The following TTBK2 variants were observed in gnomAD, a reference collection of about 807,000 sequenced individuals.
The protein encoded by TTBK2 is tau-tubulin kinase 2.
Under a neutral mutation model 110.8 loss-of-function variants are expected in TTBK2, and 28 were observed. That is an observed-to-expected ratio of 0.25 (90% CI 0.19 to 0.35). The LOEUF (loss-of-function observed/expected upper bound fraction) is 0.35, where lower values mean the gene tolerates loss of function less well. Ranked by LOEUF, TTBK2 falls within the 10% of genes least tolerant of loss-of-function variation. The probability of loss-of-function intolerance (pLI) is 1.00; values close to 1 mark genes in which losing one functional copy is unlikely to be tolerated. For missense variants in TTBK2, 1,369 were observed against 1,500.3 expected, an observed-to-expected ratio of 0.91 and a Z score of 1.45; for synonymous variants, 532 against 527.3, an observed-to-expected ratio of 1.01 and a Z score of -0.12.
intron 13 of TTBK2, among the ~76,000 whole-genome samples, chr15:42,763,755 G>A (rs372888347): frequency 6.6e-6 from 1 of 152,190 alleles, no homozygotes; most frequent in African/African-American, 2.4e-5. Context: ...TGAGGTGAGG[G>A]TGGATGGGGA....
chr15:42,790,344 G>A (rs1890604832), intron 10 of TTBK2, among the ~76,000 whole-genome samples: 1 of 151,204 alleles, frequency 6.6e-6, no homozygotes, highest in African/African-American at 2.4e-5. Context: ...GAGTATAGTG[G>A]CGCGATCTCA....
intron 3 of TTBK2, among the ~76,000 whole-genome samples, chr15:42,844,677 T>C (rs980333114): frequency 1.8e-4 from 28 of 152,214 alleles, no homozygotes; most frequent in African/African-American, 6.8e-4. Flanking sequence ...ATTATTATAT[T>C]CTCCATTTTT....
At chr15:42,779,048 A>G (rs1015487742) in intron 11 of TTBK2, among the ~76,000 whole-genome samples, 10 of 152,226 alleles carry the variant, frequency 6.6e-5, no homozygotes, top group Admixed American at 3.9e-4. Context: ...GAAAAAAACA[A>G]TTAGAATGAC....
chr15:42,843,651 C>G (rs1893324374), intron 3 of TTBK2, among the ~76,000 whole-genome samples: 1 of 147,586 alleles, frequency 6.8e-6, no homozygotes, highest in African/African-American at 2.5e-5. Flanking sequence ...CCCAGCTACT[C>G]AAGAGGCCGA....
intron 6 of TTBK2, 107 bp downstream of exon 6, chr15:42,827,821 C>A: frequency 3.3e-6 from 3 of 898,584 alleles, no homozygotes; most frequent in Non-Finnish European, 5.2e-6. Context: ...TATGCCACTT[C>A]TTAGATAACA....
At chr15:42,749,466 G>A (rs572485241) in intron 14 of TTBK2, among the ~76,000 whole-genome samples, 2 of 152,262 alleles carry the variant, frequency 1.3e-5, no homozygotes, top group Admixed American at 6.5e-5. Flanking sequence ...CCCCATTCCC[G>A]GCCCCATGGC....
chr15:42,853,584 A>G (rs748134750), intron 3 of TTBK2, among the ~76,000 whole-genome samples: 38 of 152,352 alleles, frequency 2.5e-4, no homozygotes, highest in East Asian at 1.9e-4. Context: ...TGAAAAATGA[A>G]AAAGTACAAG....
intron 3 of TTBK2, among the ~76,000 whole-genome samples, chr15:42,868,047 T>A (rs1894451623): frequency 1.3e-5 from 2 of 152,190 alleles, no homozygotes; most frequent in Non-Finnish European, 2.9e-5. Flanking sequence ...AGTGTATGAT[T>A]CTAAATATAT....
At chr15:42,805,301 T>C (rs1214616874) in intron 9 of TTBK2, among the ~76,000 whole-genome samples, 1 of 152,180 alleles carries the variant, frequency 6.6e-6, no homozygotes, top group Non-Finnish European at 1.5e-5. Flanking sequence ...AAGGAGCTTA[T>C]ATAATAAAGA....
At chr15:42,884,730 C>G (rs570421047) in intron 1 of TTBK2, among the ~76,000 whole-genome samples, 6 of 152,130 alleles carry the variant, frequency 3.9e-5, no homozygotes, top group Non-Finnish European at 7.4e-5. Flanking sequence ...ATTAAAAACA[C>G]AAAAGCACAA....
At chr15:42,818,437 C>T (rs1254927138) in intron 6 of TTBK2, among the ~76,000 whole-genome samples, 2 of 152,056 alleles carry the variant, frequency 1.3e-5, no homozygotes, top group African/African-American at 4.8e-5. Context: ...TGTCTCCATT[C>T]GGCCAGGCGT....
chr15:42,738,860 A>C lies in TTBK2; in HGVS notation c.*6935T>G, dbSNP rs892005237. 1 of 152,220 alleles carries C rather than the reference A, an allele frequency of 6.6e-6. No individual in the cohort carries two copies. The highest frequency in any genetic ancestry group is 6.5e-5 in the Admixed American group (1 of 15,280). The allele number at this position is 152,220 out of a possible 1,614,324, so 9.4% of individuals were successfully genotyped here. ...CTAGATGTGGTACTGCATTTACAGTAACACTATCTGCTCCCCGTTGATCTT... is the reference window on the plus strand; with the variant it reads ...CTAGATGTGGTACTGCATTTACAGTCACACTATCTGCTCCCCGTTGATCTT... On this transcript the variant is annotated 3_prime_UTR_variant, in exon 15 of 15. Coordinates refer to ENST00000267890, the MANE Select transcript of TTBK2 (RefSeq NM_173500.4).
At chr15:42,909,422 A>C (rs1443857195) in intron 1 of TTBK2, among the ~76,000 whole-genome samples, 2 of 152,176 alleles carry the variant, frequency 1.3e-5, no homozygotes, top group Non-Finnish European at 2.9e-5. Flanking sequence ...CTCTCTGACA[A>C]AGTATATGCC....
chr15:42,782,369 G>A (rs1567020550), intron 11 of TTBK2, among the ~76,000 whole-genome samples: 1 of 152,126 alleles, frequency 6.6e-6, no homozygotes, highest in Admixed American at 6.5e-5. Flanking sequence ...ACCATGCCTG[G>A]CCCTCATGTA....
intron 2 of TTBK2, among the ~76,000 whole-genome samples, chr15:42,873,727 C>T (rs1894703806): frequency 6.6e-6 from 1 of 152,150 alleles, no homozygotes; most frequent in African/African-American, 2.4e-5. Flanking sequence ...GTGGCAAGTG[C>T]ACCTGTAGTG....
intron 11 of TTBK2, among the ~76,000 whole-genome samples, chr15:42,780,347 CT>C (rs201645746): frequency 1.4e-3 from 203 of 141,058 alleles, no homozygotes; most frequent in Non-Finnish European, 1.5e-3. Flanking sequence ...CATTCTTTTT[CT>C]TTTTTTTTTT....
chr15:42,913,436 G>C (rs530875111), intron 1 of TTBK2, among the ~76,000 whole-genome samples: 1 of 151,946 alleles, frequency 6.6e-6, no homozygotes, highest in Admixed American at 6.6e-5. Context: ...TCAGGAGATC[G>C]AGACCATCCT....
At chr15:42,820,018 C>A (rs1892224298) in intron 6 of TTBK2, among the ~76,000 whole-genome samples, 1 of 152,194 alleles carries the variant, frequency 6.6e-6, no homozygotes, top group African/African-American at 2.4e-5. Context: ...GCCCAGGAGA[C>A]TCTTTCTACT....
chr15:42,810,643 A>G lies in TTBK2; in HGVS notation c.793T>C (p.Leu265=). 6.2e-7 allele frequency: 1 copy of G among 1,614,022 alleles called. No individual in the cohort carries two copies. The change falls in exon 9 of 15, where the codon TTG becomes CTG. Residue 265 remains leucine (L), a synonymous_variant. Coordinates refer to ENST00000267890, the MANE Select transcript of TTBK2 (RefSeq NM_173500.4). ...FSIFLDHISS[L]DYFTKPDYQL... ...TAGTCTGGTTTTGTAAAATAATCCA[A>G]AGAAGAGATATGGTCTAGAAAGATG... is the stretch of plus-strand genomic sequence containing the variant.
Sources: gnomAD v4.1 joint callset for allele counts (sites outside exome capture counted in the v4.1 genomes callset) on GRCh38, gnomAD v4.1.1 for gene constraint, MANE v1.5 for transcripts, NCBI Gene and HGNC (gene_info 2026-07-23, HGNC 2026-07-21) for gene names.